CEPT1: variants seen among roughly 807,000 people sequenced by gnomAD.
CEPT1 encodes choline/ethanolaminephosphotransferase 1.
A neutral mutation model predicts 42.6 loss-of-function variants in CEPT1; 7 were observed. That is an observed-to-expected ratio of 0.16 (90% CI 0.09 to 0.31). The LOEUF (loss-of-function observed/expected upper bound fraction) is 0.31. CEPT1 is among the 10% of genes least tolerant of loss of function. The pLI, the probability that CEPT1 is intolerant of heterozygous loss-of-function variation, is 1.00. For missense variants in CEPT1, 306 were observed against 502.1 expected, an observed-to-expected ratio of 0.61 and a Z score of 3.73; for synonymous variants, 171 against 171.9, an observed-to-expected ratio of 0.99 and a Z score of 0.04.
chr1:111,157,636 G>T (rs2101292203), intron 2 of CEPT1, among the ~76,000 whole-genome samples: 1 of 152,312 alleles, frequency 6.6e-6, no homozygotes. Flanking sequence ...ACTCAGTTCA[G>T]TGTGCTTGCA....
At chr1:111,180,552 C>T (rs1328536145) in intron 5 of CEPT1, 1 of 152,154 alleles carries the variant, frequency 6.6e-6, no homozygotes, top group African/African-American at 2.4e-5. Flanking sequence ...TAGGACTTGA[C>T]TTAGTTGACC....
intron 7 of CEPT1, 112 bp downstream of exon 7, chr1:111,183,069 C>T: frequency 3.8e-6 from 4 of 1,046,278 alleles, no homozygotes; most frequent in Non-Finnish European, 5.6e-6. Context: ...TTGCCCTCTT[C>T]TAATCAGAAT....
At chr1:111,141,157 G>A (rs1164522324) in intron 1 of CEPT1, among the ~76,000 whole-genome samples, 1 of 152,146 alleles carries the variant, frequency 6.6e-6, no homozygotes, top group African/African-American at 2.4e-5. Flanking sequence ...TGTGGACAAA[G>A]AATAAAGATT....
intron 5 of CEPT1, 82 bp downstream of exon 5, chr1:111,175,045 A>G (rs1656609445): frequency 2.3e-6 from 2 of 858,044 alleles, no homozygotes; most frequent in Non-Finnish European, 2.0e-6. Flanking sequence ...ATCCAGTTAA[A>G]GGGTAATGTG....
chr1:111,184,161 G>A (rs376181447), intron 8 of CEPT1, 30 bp from the exon 9 acceptor site: 85 of 1,610,772 alleles, frequency 5.3e-5, no homozygotes, highest in African/African-American at 2.1e-4. Context: ...GAGCCTAAAC[G>A]GGTGCTGAGA....
At chr1:111,152,876 A>G (rs974473440) in intron 2 of CEPT1, among the ~76,000 whole-genome samples, 2 of 152,202 alleles carry the variant, frequency 1.3e-5, no homozygotes, top group Admixed American at 6.5e-5. Flanking sequence ...ATAATTATAT[A>G]TGAGATACAG....
intron 1 of CEPT1, among the ~76,000 whole-genome samples, chr1:111,144,299 G>A (rs777779957): frequency 1.3e-5 from 2 of 152,184 alleles, no homozygotes; most frequent in Non-Finnish European, 2.9e-5. Context: ...GTATCTATAT[G>A]AATGTGTTGA....
intron 2 of CEPT1, among the ~76,000 whole-genome samples, chr1:111,156,844 C>T (rs947753091): frequency 3.3e-5 from 5 of 152,048 alleles, no homozygotes; most frequent in African/African-American, 1.2e-4. Context: ...TTTAGTAAAA[C>T]CATATGTTTC....
At chr1:111,160,154 C>A (rs1655793216) in intron 3 of CEPT1, 1 of 152,126 alleles carries the variant, frequency 6.6e-6, no homozygotes, top group East Asian at 1.9e-4. Flanking sequence ...AAAGTGCTAG[C>A]AATAACTGAG....
At chr1:111,181,088 C>T (rs922707619) in intron 5 of CEPT1, 4 of 152,154 alleles carry the variant, frequency 2.6e-5, no homozygotes, top group African/African-American at 4.8e-5. Context: ...CACTTCAACC[C>T]GGGAAGCGGG....
At chr1:111,159,570 T>C (rs1357359585) in intron 3 of CEPT1, 43 bp downstream of exon 3, 3 of 1,505,558 alleles carry the variant, frequency 2.0e-6, no homozygotes, top group Non-Finnish European at 2.7e-6. Flanking sequence ...TAACAATGGT[T>C]AAACCAGTGT....
At chr1:111,165,055 T>TTC (rs1656070488) in intron 4 of CEPT1, among the ~76,000 whole-genome samples, 1 of 139,366 alleles carries the variant, frequency 7.2e-6, no homozygotes, top group Admixed American at 7.1e-5. Flanking sequence ...TTTTTTTTTT[T>TTC]TTTTTTTTTT....
intron 4 of CEPT1, among the ~76,000 whole-genome samples, chr1:111,163,070 G>C (rs1025884590): frequency 6.6e-6 from 1 of 152,020 alleles, no homozygotes; most frequent in African/African-American, 2.4e-5. Flanking sequence ...AGGAACAAAG[G>C]AGTTCTAGGG....
chr1:111,156,316 A>G (rs534594029), intron 2 of CEPT1, among the ~76,000 whole-genome samples: 1 of 152,228 alleles, frequency 6.6e-6, no homozygotes, highest in Non-Finnish European at 1.5e-5. Flanking sequence ...CTTGTTTTGT[A>G]GCCTCACACA....
In CEPT1 at chr1:111,147,802, T is replaced by C. The variant is rs766705053; in HGVS notation, c.88T>C (p.Cys30Arg). The C allele has an allele frequency of 6.2e-7, 1 of 1,614,128 alleles. No individual in the cohort carries two copies. The highest frequency in any genetic ancestry group is 1.1e-5 in the South Asian group (1 of 91,080). ...VGFGHMSTTG[C>R]VLNKLFQLPT... is the part of the protein sequence containing the mutation. ...CTTCGGGCATATGAGTACTACAGGA[T>C]GTGTATTAAATAAATTGTTTCAGTT... The change falls in exon 2 of 9, where the codon TGT becomes CGT. Residue 30 changes from cysteine to arginine, a missense_variant. Cys to Arg is a radical substitution (Grantham distance 180, BLOSUM62 -3). Coordinates refer to ENST00000357172, the MANE Select transcript of CEPT1 (RefSeq NM_006090.5).
Position 111,149,078 on chromosome 1 carries a change from C to G in CEPT1, c.339+1025C>G, listed in dbSNP as rs188363918. On this transcript the variant is annotated intron_variant, in intron 2 of 8. Coordinates refer to ENST00000357172, the MANE Select transcript of CEPT1 (RefSeq NM_006090.5). Reference sequence around the variant, plus strand: ...ACCCTCTATTCTTTTCTGTTTTCATCAATTTGTCTGTTTCCATAGGTTAAA... The same window carrying G: ...ACCCTCTATTCTTTTCTGTTTTCATGAATTTGTCTGTTTCCATAGGTTAAA... 4.6e-5 allele frequency among the ~76,000 whole-genome samples: 7 copies of G among 152,178 alleles called. No homozygotes were observed. In the East Asian group the frequency reaches 1.4e-3, roughly 29 times the overall value.
At chr1:111,182,406 C>G in intron 6 of CEPT1, 88 bp downstream of exon 6, 1 of 1,354,774 alleles carries the variant, frequency 7.4e-7, no homozygotes, top group Non-Finnish European at 1.0e-6. Flanking sequence ...TGTATAAAAT[C>G]ATTTGTTAAT....
At chr1:111,179,686 T>C (rs1255541541) in intron 5 of CEPT1, 1 of 152,206 alleles carries the variant, frequency 6.6e-6, no homozygotes, top group Non-Finnish European at 1.5e-5. Flanking sequence ...TTGCCTCATA[T>C]TTTCTTGGTA....
At position 111,183,567 on chromosome 1, in the gene CEPT1, A is replaced by G; in HGVS notation, c.1111A>G (p.Ile371Val). The G allele has an allele frequency of 1.2e-6, 2 of 1,612,848 alleles. No individual in the cohort carries two copies. Among genetic ancestry groups the G allele is most frequent in the Non-Finnish European group, 1.7e-6 (2 of 1,178,966 alleles). ...TTTTAACAGCTTTATTGATGAATAT[A>G]TTGTACTTTGGATTGCCCTGGTAAG... ...QYFNSFIDEY[I>V]VLWIALVFSF... The change falls in exon 8 of 9, where the codon ATT (isoleucine) becomes GTT (valine). Residue 371 changes from isoleucine (I) to valine (V), a missense_variant. Physicochemically the swap from Ile to Val is conservative, Grantham distance 29 (BLOSUM62 3). Coordinates refer to ENST00000357172, the MANE Select transcript of CEPT1 (RefSeq NM_006090.5).
Sources: allele counts gnomAD v4.1 joint callset (sites outside exome capture counted in the v4.1 genomes callset), GRCh38; gene constraint gnomAD v4.1.1; transcripts MANE v1.5; gene names NCBI Gene and HGNC (gene_info 2026-07-23, HGNC 2026-07-21).